Variants in GRID2 observed in about 807,000 individuals in gnomAD.
GRID2 encodes glutamate ionotropic receptor delta type subunit 2.
A neutral mutation model predicts 114.8 loss-of-function variants in GRID2; 33 were observed. That is an observed-to-expected ratio of 0.29 (90% CI 0.22 to 0.38). The LOEUF is 0.38. Among genes scored for constraint, GRID2 ranks in the 10% least tolerant of loss-of-function variants. The pLI is 1.00. For synonymous variants in GRID2, 505 were observed against 449.9 expected (o/e 1.12, Z -1.55); for missense variants, 1,184 against 1,257.7 (o/e 0.94, Z 0.89).
chr4:93,428,828 C>G (rs1769122885), intron 10 of GRID2, among the ~76,000 whole-genome samples: 1 of 152,066 alleles, frequency 6.6e-6, no homozygotes, highest in Non-Finnish European at 1.5e-5. Context: ...AGTGCCGACG[C>G]CCACTCAGGA....
chr4:92,709,979 A>G (rs1333732724), intron 2 of GRID2, among the ~76,000 whole-genome samples: 2 of 152,152 alleles, frequency 1.3e-5, no homozygotes, highest in African/African-American at 4.8e-5. Flanking sequence ...AGTTTGGAAA[A>G]ATACAAATTT....
chr4:93,417,368 G>T (rs1366440541), intron 9 of GRID2, among the ~76,000 whole-genome samples: 1 of 151,940 alleles, frequency 6.6e-6, no homozygotes, highest in African/African-American at 2.4e-5. Context: ...ATATGGCTTC[G>T]TTGCCCTCCA....
chr4:92,758,692 C>G (rs951144693), intron 2 of GRID2, among the ~76,000 whole-genome samples: 32 of 152,196 alleles, frequency 2.1e-4, no homozygotes, highest in Admixed American at 1.8e-3. Flanking sequence ...AGTAATTACA[C>G]CACTCAGAAT....
intron 1 of GRID2, among the ~76,000 whole-genome samples, chr4:92,474,247 G>A (rs375214146): frequency 3.7e-4 from 56 of 151,912 alleles, no homozygotes; most frequent in African/African-American, 1.1e-3. Flanking sequence ...TAGATTGCGC[G>A]TATAAGTGAT....
At chr4:92,466,652 C>G (rs1721765645) in intron 1 of GRID2, among the ~76,000 whole-genome samples, 1 of 151,692 alleles carries the variant, frequency 6.6e-6, no homozygotes. Flanking sequence ...AATCAGTTAG[C>G]TTTTGTTTAG....
chr4:92,736,410 G>A (rs62310230), intron 2 of GRID2, among the ~76,000 whole-genome samples: 4,151 of 152,088 alleles, frequency 0.027, 88 homozygotes, highest in Non-Finnish European at 0.041. Flanking sequence ...AATTTTTATC[G>A]TTTTAAGATG....
chr4:93,646,577 G>A (rs1304305946), intron 14 of GRID2, among the ~76,000 whole-genome samples: 1 of 152,128 alleles, frequency 6.6e-6, no homozygotes, highest in African/African-American at 2.4e-5. Context: ...TTTTAAAGAA[G>A]CATTTTTTAC....
intron 14 of GRID2, among the ~76,000 whole-genome samples, chr4:93,710,355 G>A (rs1020700731): frequency 6.6e-6 from 1 of 152,178 alleles, no homozygotes; most frequent in African/African-American, 2.4e-5. Context: ...TGGTGGCCTT[G>A]GGTAAGATCC....
chr4:92,970,603 A>G (rs1020414013), intron 2 of GRID2, among the ~76,000 whole-genome samples: 1 of 152,010 alleles, frequency 6.6e-6, no homozygotes, highest in Non-Finnish European at 1.5e-5. Context: ...TATCTAGAAT[A>G]TGATATCATA....
At chr4:93,069,411 A>G (rs1403390785) in intron 2 of GRID2, among the ~76,000 whole-genome samples, 1 of 151,904 alleles carries the variant, frequency 6.6e-6, no homozygotes, top group Non-Finnish European at 1.5e-5. Flanking sequence ...TATCCAAAAT[A>G]CCAGGACATT....
At chr4:93,096,069 G>A (rs1206251255) in intron 3 of GRID2, among the ~76,000 whole-genome samples, 1 of 151,930 alleles carries the variant, frequency 6.6e-6, no homozygotes, top group Non-Finnish European at 1.5e-5. Flanking sequence ...CAACCCACAG[G>A]CATAGAGTGG....
chr4:92,976,510 C>T (rs1367635814), intron 2 of GRID2, among the ~76,000 whole-genome samples: 1 of 151,844 alleles, frequency 6.6e-6, no homozygotes. Flanking sequence ...TATATATATA[C>T]CCTTTTATGA....
intron 8 of GRID2, among the ~76,000 whole-genome samples, chr4:93,347,847 A>G (rs1236885135): frequency 6.6e-6 from 1 of 152,094 alleles, no homozygotes; most frequent in Non-Finnish European, 1.5e-5. Flanking sequence ...ACTACCTTAT[A>G]CTGCATCTCT....
At chr4:92,983,563 TATA>T (rs952708777) in intron 2 of GRID2, among the ~76,000 whole-genome samples, 1 of 146,156 alleles carries the variant, frequency 6.8e-6, no homozygotes, top group African/African-American at 2.8e-5. Flanking sequence ...TTTATAAACA[TATA>T]GTATATGATT....
intron 2 of GRID2, among the ~76,000 whole-genome samples, chr4:92,978,288 T>C (rs958685381): frequency 6.8e-6 from 1 of 148,064 alleles, no homozygotes; most frequent in Non-Finnish European, 1.5e-5. Flanking sequence ...TCAGTAATTA[T>C]TAAATAATTA....
chr4:92,513,633 G>T (rs773256876), intron 1 of GRID2, among the ~76,000 whole-genome samples: 4 of 151,540 alleles, frequency 2.6e-5, no homozygotes, highest in Non-Finnish European at 5.9e-5. Flanking sequence ...TACATTTTTT[G>T]TATGGTGATT....
At chr4:92,505,565 C>G (rs1410856878) in intron 1 of GRID2, among the ~76,000 whole-genome samples, 1 of 151,878 alleles carries the variant, frequency 6.6e-6, no homozygotes, top group Non-Finnish European at 1.5e-5. Context: ...GAATTTAATG[C>G]CACATGTGCC....
chr4:93,345,520 C>T (rs556954059), intron 8 of GRID2, among the ~76,000 whole-genome samples: 1 of 151,852 alleles, frequency 6.6e-6, no homozygotes, highest in African/African-American at 2.4e-5. Flanking sequence ...TTGAGTTGTT[C>T]AAGTTTCTTA....
intron 2 of GRID2, among the ~76,000 whole-genome samples, chr4:93,028,339 G>A (rs1244406443): frequency 1.3e-5 from 2 of 151,996 alleles, no homozygotes; most frequent in African/African-American, 4.8e-5. Flanking sequence ...GAGGGGGTGG[G>A]GATGACAAGC....
Sources: allele counts gnomAD v4.1 joint callset (sites outside exome capture counted in the v4.1 genomes callset), GRCh38; gene constraint gnomAD v4.1.1; transcripts MANE v1.5; gene names NCBI Gene and HGNC (gene_info 2026-07-23, HGNC 2026-07-21).